Variants in LTB4R2 observed in about 807,000 individuals in gnomAD.
LTB4R2 encodes leukotriene B4 receptor 2.
Under a neutral mutation model 5.3 loss-of-function variants are expected in LTB4R2, and 6 were observed. The ratio of observed to expected loss-of-function variants is 1.14; its 90% CI spans 0.62 to 2.24. The LOEUF (loss-of-function observed/expected upper bound fraction) is 2.24, where lower values mean the gene tolerates loss of function less well. LTB4R2 is among the 30% of genes most tolerant of loss of function. The probability of loss-of-function intolerance (pLI) is 0.00; values close to 1 mark genes in which losing one functional copy is unlikely to be tolerated. For synonymous variants in LTB4R2, 310 were observed against 264.2 expected (o/e 1.17, Z -1.68); for missense variants, 560 against 521.5 (o/e 1.07, Z -0.72).
In LTB4R2 at chr14:24,311,151, T is replaced by G; in HGVS notation, c.487T>G (p.Trp163Gly). The G allele has an allele frequency of 6.2e-7, 1 of 1,601,658 alleles. No individual in the cohort carries two copies. Among genetic ancestry groups the G allele is most frequent in the Non-Finnish European group, 8.5e-7 (1 of 1,176,240 alleles). The change falls in exon 2 of 2, where the codon TGG (tryptophan) becomes GGG (glycine). Residue 163 changes from tryptophan (W) to glycine (G), a missense_variant. Trp to Gly is a radical substitution (Grantham distance 184). Transcript: ENST00000533293. The stretch of plus-strand genomic sequence containing the variant: ...CCCGGCCGCCGTCTACCGCCACCTG[T>G]GGAGGGACCGCGTATGCCAGCTGTG... Reference protein sequence around the residue: ...AVPAAVYRHLWRDRVCQLCHP... With the variant: ...AVPAAVYRHLGRDRVCQLCHP...
Position 24,312,016 on chromosome 14 carries a change from T to C in LTB4R2, c.*275T>C. ...TACTTGTTGCCAATAGCTGTTATTGTGAAATACACTGGGAAGCCATTAGAT... is the reference window on the plus strand; with the variant it reads ...TACTTGTTGCCAATAGCTGTTATTGCGAAATACACTGGGAAGCCATTAGAT... On this transcript the variant is annotated 3_prime_UTR_variant, in exon 2 of 2. Coordinates refer to ENST00000533293, the MANE Select transcript of LTB4R2 (RefSeq NM_019839.5). The C allele has an allele frequency of 2.2e-6, 1 of 450,316 alleles. No homozygotes were observed. Among genetic ancestry groups the C allele is most frequent in the South Asian group, 4.9e-5 (1 of 20,232 alleles). 27.9% of individuals were successfully genotyped at this position (450,316 alleles called of 1,614,324 possible).
In LTB4R2 at chr14:24,310,670, G is replaced by C; in HGVS notation, c.6G>C (p.Ser2=). 6.2e-7 allele frequency: 1 copy of C among 1,614,072 alleles called. No homozygotes were observed. Residue 2 remains serine, a synonymous_variant, in exon 2 of 2, where the codon TCG becomes TCC. Coordinates refer to ENST00000533293, the MANE Select transcript of LTB4R2 (RefSeq NM_019839.5). ...CCACCTGTAGGCCCAGAAGGATGTC[G>C]GTCTGCTACCGTCCCCCAGGGAACG... is the stretch of plus-strand genomic sequence containing the variant. M[S]VCYRPPGNET... is the part of the protein sequence containing the mutation.
Position 24,310,927 on chromosome 14 carries a change from C to A in LTB4R2, c.263C>A (p.Pro88Gln), listed in dbSNP as rs1256649621. Residue 88 changes from proline to glutamine, a missense_variant, in exon 2 of 2, where the codon CCG becomes CAG. Coordinates refer to ENST00000533293, the MANE Select transcript of LTB4R2 (RefSeq NM_019839.5). ...GCCTTCCTGACCCGGCAGGCCTGGC[C>A]GCTGGGCCAGGCGGGCTGCAAGGCG... is the stretch of plus-strand genomic sequence containing the variant. ...FVAFLTRQAW[P>Q]LGQAGCKAVY... is the part of the protein sequence containing the mutation. 1.4e-5 allele frequency: 22 copies of A among 1,589,984 alleles called. No homozygotes were observed. Among genetic ancestry groups the A allele is most frequent in the Middle Eastern group, 1.7e-4 (1 of 5,948 alleles).
In LTB4R2 at chr14:24,311,087, G is replaced by A; in HGVS notation, c.423G>A (p.Leu141=). The change falls in exon 2 of 2, where the codon CTG becomes CTA. Residue 141 remains leucine, a synonymous_variant. Transcript: ENST00000533293. ...GCAGCCCGGCCCTGGCCCGCCGCCT[G>A]CTGCTGGCGGTCTGGCTGGCCGCCC... ...RLRSPALARR[L]LLAVWLAALL... 6.4e-7 allele frequency: 1 copy of A among 1,561,972 alleles called. No individual in the cohort carries two copies. Among genetic ancestry groups the A allele is most frequent in the East Asian group, 2.4e-5 (1 of 41,898 alleles).
chr14:24,311,879 T>C lies in LTB4R2; in HGVS notation c.*138T>C, dbSNP rs913278862. On this transcript the variant is annotated 3_prime_UTR_variant, in exon 2 of 2. Coordinates refer to ENST00000533293, the MANE Select transcript of LTB4R2 (RefSeq NM_019839.5). ...CTGGCTGGGTAGGATTACTATACAC[T>C]TGGGGCAGGCCCAGGCTCCTCCAAA... The C allele has an allele frequency of 5.0e-6, 4 of 794,752 alleles. No individual in the cohort carries two copies. The highest frequency in any genetic ancestry group is 7.9e-6 in the Non-Finnish European group (4 of 505,370). 49.2% of individuals were successfully genotyped at this position (794,752 alleles called of 1,614,324 possible). A position where few individuals can be genotyped will look rare whatever the true frequency, so the allele number is the denominator to read the frequency against.
rs2041692345 is a variant in LTB4R2, at chr14:24,311,227, C to T, written c.563C>T (p.Thr188Ile). ...GCCCACCTGAGCCTGGAGACTCTGACCGCTTTCGTGCTTCCTTTCGGGCTG... is the reference window on the plus strand; with the variant it reads ...GCCCACCTGAGCCTGGAGACTCTGATCGCTTTCGTGCTTCCTTTCGGGCTG... ...AAAHLSLETLTAFVLPFGLML... is the reference protein window; with the variant it reads ...AAAHLSLETLIAFVLPFGLML... The change falls in exon 2 of 2, where the codon ACC becomes ATC. Residue 188 changes from threonine to isoleucine, a missense_variant. Coordinates refer to ENST00000533293, the MANE Select transcript of LTB4R2 (RefSeq NM_019839.5). 2 of 1,609,028 alleles carry T rather than the reference C, an allele frequency of 1.2e-6. No homozygotes were observed. Among genetic ancestry groups the T allele is most frequent in the Admixed American group, 3.4e-5 (2 of 59,688 alleles).
chr14:24,311,345 C>T lies in LTB4R2; in HGVS notation c.681C>T (p.Ser227=), dbSNP rs2041698022. 8 of 1,604,892 alleles carry T rather than the reference C, an allele frequency of 5.0e-6. No homozygotes were observed. The highest frequency in any genetic ancestry group is 6.8e-6 in the Non-Finnish European group (8 of 1,178,506). The change falls in exon 2 of 2, where the codon AGC becomes AGT. Residue 227 remains serine, a synonymous_variant. Coordinates refer to ENST00000533293, the MANE Select transcript of LTB4R2 (RefSeq NM_019839.5). ...RHGARVGRLV[S]AIVLAFGLLW... ...GGGCGCGGGTGGGCCGGCTGGTGAGCGCCATCGTGCTTGCCTTCGGCTTGC... is the reference window on the plus strand; with the variant it reads ...GGGCGCGGGTGGGCCGGCTGGTGAGTGCCATCGTGCTTGCCTTCGGCTTGC...
At chr14:24,310,401 G>T in intron 1 of LTB4R2, 146 bp downstream of exon 1, 1 of 635,046 alleles carries the variant, frequency 1.6e-6, no homozygotes, top group Non-Finnish European at 2.8e-6. Context: ...CTTTATGCCT[G>T]TTTACCACTG....
In LTB4R2 at chr14:24,310,868, C is replaced by T. The variant is rs1212252342; in HGVS notation, c.204C>T (p.Asp68=). 3 of 1,591,436 alleles carry T rather than the reference C, an allele frequency of 1.9e-6. No homozygotes were observed. Among genetic ancestry groups the T allele is most frequent in the Non-Finnish European group, 2.6e-6 (3 of 1,175,514 alleles). ...TTGTGCTGCACCTGGCGCTGGCCGA[C>T]GGCGCGGTGCTGCTGCTCACGCCGC... The part of the protein sequence containing the change: ...ATLVLHLALA[D]GAVLLLTPLF... Residue 68 remains aspartate, a synonymous_variant, in exon 2 of 2, where the codon GAC becomes GAT. Transcript: ENST00000533293.
Position 24,310,947 on chromosome 14 carries a change from A to G in LTB4R2, c.283A>G (p.Lys95Glu), listed in dbSNP as rs1165509310. 1.3e-6 allele frequency: 2 copies of G among 1,592,054 alleles called. No individual in the cohort carries two copies. The highest frequency in any genetic ancestry group is 2.3e-5 in the East Asian group (1 of 44,088). Residue 95 changes from lysine (K) to glutamate (E), a missense_variant, in exon 2 of 2, where the codon AAG (lysine) becomes GAG (glutamate). Transcript: ENST00000533293. ...QAWPLGQAGC[K>E]AVYYVCALSM... ...CTGGCCGCTGGGCCAGGCGGGCTGCAAGGCGGTGTACTACGTGTGCGCGCT... is the reference window on the plus strand; with the variant it reads ...CTGGCCGCTGGGCCAGGCGGGCTGCGAGGCGGTGTACTACGTGTGCGCGCT...
Position 24,311,450 on chromosome 14 carries a change from G to A in LTB4R2, c.786G>A (p.Leu262=), listed in dbSNP as rs377642504. ...LAPPEGALAK[L]GGAGQAARAG... ...CACCGGAAGGGGCCTTGGCGAAGCT[G>A]GGCGGAGCCGGCCAGGCGGCGCGAG... The change falls in exon 2 of 2, where the codon CTG becomes CTA. Residue 262 remains leucine, a synonymous_variant. Transcript: ENST00000533293. 8 of 1,601,128 alleles carry A rather than the reference G, an allele frequency of 5.0e-6. No individual in the cohort carries two copies. Among genetic ancestry groups the A allele is most frequent in the African/African-American group, 4.0e-5 (3 of 74,946 alleles).
In LTB4R2 at chr14:24,311,536, C is replaced by T. The variant is rs763022577; in HGVS notation, c.872C>T (p.Thr291Ile). 1.2e-6 allele frequency: 2 copies of T among 1,605,650 alleles called. No individual in the cohort carries two copies. Among genetic ancestry groups the T allele is most frequent in the East Asian group, 2.2e-5 (1 of 44,878 alleles). Residue 291 changes from threonine to isoleucine, a missense_variant, in exon 2 of 2, where the codon ACC becomes ATC. Physicochemically the swap from Thr to Ile is moderately conservative, Grantham distance 89 (BLOSUM62 -1). Transcript: ENST00000533293. ...SSVNPVLYVF[T>I]AGDLLPRAGP... Reference sequence around the variant, plus strand: ...GTCAACCCGGTGCTCTACGTCTTCACCGCTGGAGATCTGCTGCCCCGGGCA... The same window carrying T: ...GTCAACCCGGTGCTCTACGTCTTCATCGCTGGAGATCTGCTGCCCCGGGCA...
intron 1 of LTB4R2, 132 bp from the exon 2 acceptor site, chr14:24,310,523 G>C: frequency 1.1e-6 from 1 of 906,820 alleles, no homozygotes; most frequent in South Asian, 1.4e-5. Context: ...GTGGAAGTCA[G>C]GACTCCCAGG....
chr14:24,310,286 C>T (rs1227279470), intron 1 of LTB4R2, 31 bp downstream of exon 1: 1 of 577,072 alleles, frequency 1.7e-6, no homozygotes, highest in African/African-American at 1.9e-5. Flanking sequence ...CCCTTTACAC[C>T]CCACCATCCA....
In LTB4R2 at chr14:24,311,534, C is replaced by T. The variant is rs767753372; in HGVS notation, c.870C>T (p.Phe290=). 1 of 1,605,332 alleles carries T rather than the reference C, an allele frequency of 6.2e-7. No individual in the cohort carries two copies. The highest frequency in any genetic ancestry group is 1.1e-5 in the South Asian group (1 of 91,088). The change falls in exon 2 of 2, where the codon TTC becomes TTT. Residue 290 remains phenylalanine, a synonymous_variant. Transcript: ENST00000533293. The part of the protein sequence containing the change: ...SSSVNPVLYV[F]TAGDLLPRAG... ...GCGTCAACCCGGTGCTCTACGTCTT[C>T]ACCGCTGGAGATCTGCTGCCCCGGG...
At position 24,310,708 on chromosome 14, in the gene LTB4R2, G is replaced by C; in HGVS notation, c.44G>C (p.Ser15Thr). ...CCCCCAGGGAACGAGACACTGCTGA[G>C]CTGGAAGACTTCGCGGGCCACAGGC... ...YRPPGNETLL[S>T]WKTSRATGTA... Residue 15 changes from serine (S) to threonine (T), a missense_variant, in exon 2 of 2, where the codon AGC (serine) becomes ACC (threonine). Physicochemically the swap from Ser to Thr is moderately conservative, Grantham distance 58. Transcript: ENST00000533293. 6.2e-7 allele frequency: 1 copy of C among 1,613,290 alleles called. No homozygotes were observed. The highest frequency in any genetic ancestry group is 8.5e-7 in the Non-Finnish European group (1 of 1,179,976).
At position 24,311,410 on chromosome 14, in the gene LTB4R2, T is replaced by C; in HGVS notation, c.746T>C (p.Val249Ala). ...CACGCAGTCAACCTTCTGCAGGCGG[T>C]CGCAGCGCTGGCTCCACCGGAAGGG... ...PYHAVNLLQA[V>A]AALAPPEGAL... is the part of the protein sequence containing the mutation. The change falls in exon 2 of 2, where the codon GTC becomes GCC. Residue 249 changes from valine (V) to alanine (A), a missense_variant. Coordinates refer to ENST00000533293, the MANE Select transcript of LTB4R2 (RefSeq NM_019839.5). 1 of 1,601,516 alleles carries C rather than the reference T, an allele frequency of 6.2e-7. No homozygotes were observed. The highest frequency in any genetic ancestry group is 1.1e-5 in the South Asian group (1 of 91,074).
Position 24,311,047 on chromosome 14 carries a change from T to C in LTB4R2, c.383T>C (p.Leu128Pro). ...QRCLAVTRPF[L>P]APRLRSPALA... ...TGCCTCGCAGTCACCCGCCCCTTCC[T>C]GGCGCCTCGGCTGCGCAGCCCGGCC... Residue 128 changes from leucine (L) to proline (P), a missense_variant, in exon 2 of 2, where the codon CTG (leucine) becomes CCG (proline). Physicochemically the swap from Leu to Pro is moderately conservative, Grantham distance 98. Transcript: ENST00000533293. 2 of 1,576,756 alleles carry C rather than the reference T, an allele frequency of 1.3e-6. No individual in the cohort carries two copies. The highest frequency in any genetic ancestry group is 4.7e-5 in the East Asian group (2 of 42,456).
In LTB4R2 at chr14:24,310,680, C is replaced by G. The variant is rs1258768405; in HGVS notation, c.16C>G (p.Arg6Gly). The G allele has an allele frequency of 3.1e-6, 5 of 1,614,026 alleles. No individual in the cohort carries two copies. The highest frequency in any genetic ancestry group is 4.5e-5 in the East Asian group (2 of 44,888). Residue 6 changes from arginine to glycine, a missense_variant, in exon 2 of 2, where the codon CGT (arginine) becomes GGT (glycine). Physicochemically the swap from Arg to Gly is moderately radical, Grantham distance 125 (BLOSUM62 -2). Coordinates refer to ENST00000533293, the MANE Select transcript of LTB4R2 (RefSeq NM_019839.5). ...GCCCAGAAGGATGTCGGTCTGCTAC[C>G]GTCCCCCAGGGAACGAGACACTGCT... is the stretch of plus-strand genomic sequence containing the variant. Reference protein sequence around the residue: MSVCYRPPGNETLLSW... With the variant: MSVCYGPPGNETLLSW...
Sources: allele counts gnomAD v4.1 joint callset, GRCh38; gene constraint gnomAD v4.1.1; transcripts MANE v1.5; gene names NCBI Gene and HGNC (gene_info 2026-07-23, HGNC 2026-07-21).